SH2D4B: variants seen among roughly 807,000 people sequenced by gnomAD.
The protein encoded by SH2D4B is SH2 domain containing 4B, also known as SH2 domain-containing protein 4B.
A neutral mutation model predicts 61.5 loss-of-function variants in SH2D4B; 45 were observed. The observed-to-expected ratio is 0.73, with a 90% CI of 0.58 to 0.94. The LOEUF is 0.94. Ranked by LOEUF, SH2D4B falls within the 40% of genes least tolerant of loss-of-function variation. SH2D4B has a pLI of 0.00. For missense variants in SH2D4B, 572 were observed against 574.2 expected (o/e 1.00, Z 0.04); for synonymous variants, 224 against 220.4 (o/e 1.02, Z -0.14).
At chr10:80,605,850 T>G (rs1484139032) in intron 5 of SH2D4B, among the ~76,000 whole-genome samples, 4 of 152,302 alleles carry the variant, frequency 2.6e-5, no homozygotes, top group Admixed American at 6.5e-5. Context: ...GGGGGCATAG[T>G]TAGAAAAGCC....
At chr10:80,633,981 C>A (rs1842863900) in intron 6 of SH2D4B, among the ~76,000 whole-genome samples, 1 of 152,216 alleles carries the variant, frequency 6.6e-6, no homozygotes, top group Non-Finnish European at 1.5e-5. Context: ...ACTACTAATT[C>A]CTTGCTTACC....
At position 80,588,635 on chromosome 10, in the gene SH2D4B, A is replaced by ATGTCAT. The variant is rs773972338; in HGVS notation, c.501_502insTGTCAT (p.Lys167_Glu168insCysHis). 6.2e-7 allele frequency: 1 copy of ATGTCAT among 1,613,810 alleles called. No homozygotes were observed. The highest frequency in any genetic ancestry group is 8.5e-7 in the Non-Finnish European group (1 of 1,179,996). On this transcript the variant is annotated inframe_insertion, in exon 4 of 8. Transcript: ENST00000646907. ...CTGTTCCCATGACATTTTAGAGGAAAGAGGAAGAGGAGAGGAAGCGAGGAG... is the reference window on the plus strand; with the variant it reads ...CTGTTCCCATGACATTTTAGAGGAAATGTCATGAGGAAGAGGAGAGGAAGCGAGGAG...
In SH2D4B at chr10:80,620,855, AT is replaced by A. The variant is rs1335500854; in HGVS notation, c.988+11306del. ...TGCTAGTTATGGGATTGTAATTCTA[AT>A]TATTCAGTGATTTATTCAACACTCT... On this transcript the variant is annotated intron_variant, in intron 6 of 7. Transcript: ENST00000646907. Among the ~76,000 whole-genome samples, 3 of 152,334 alleles carry A rather than the reference AT, an allele frequency of 2.0e-5. No individual in the cohort carries two copies. The East Asian group carries it at 5.8e-4, about 29-fold the overall frequency.
chr10:80,631,292 A>G (rs1842830927), intron 6 of SH2D4B, among the ~76,000 whole-genome samples: 2 of 152,226 alleles, frequency 1.3e-5, no homozygotes, highest in Non-Finnish European at 2.9e-5. Context: ...TCTGTTTTCC[A>G]GGCTAGAGTA....
At chr10:80,643,457 C>T (rs901536330) in intron 7 of SH2D4B, among the ~76,000 whole-genome samples, 5 of 152,012 alleles carry the variant, frequency 3.3e-5, no homozygotes, top group Admixed American at 6.6e-5. Context: ...GGCTATGAAG[C>T]GATCTTCCAA....
At chr10:80,581,409 T>G (rs11186151) in intron 3 of SH2D4B, among the ~76,000 whole-genome samples, 57,259 of 152,010 alleles carry the variant, frequency 0.38, 12,811 homozygotes, top group African/African-American at 0.63. Context: ...AAATCCGTAT[T>G]TTGAAGTCCT....
At chr10:80,620,428 C>T (rs1038100222) in intron 6 of SH2D4B, among the ~76,000 whole-genome samples, 3 of 152,206 alleles carry the variant, frequency 2.0e-5, no homozygotes, top group African/African-American at 7.2e-5. Context: ...GCTTCCTGTA[C>T]AGCCTGTGGA....
At chr10:80,602,827 C>G (rs1401926431) in intron 4 of SH2D4B, among the ~76,000 whole-genome samples, 1 of 152,168 alleles carries the variant, frequency 6.6e-6, no homozygotes, top group Non-Finnish European at 1.5e-5. Context: ...TAGGAAAGAG[C>G]TCTGGTGTCA....
At chr10:80,553,004 C>T (rs1424072261) in intron 1 of SH2D4B, among the ~76,000 whole-genome samples, 1 of 152,164 alleles carries the variant, frequency 6.6e-6, no homozygotes, top group Admixed American at 6.5e-5. Context: ...CAACCTCTGC[C>T]TCCCGGATTC....
chr10:80,588,672 C>T lies in SH2D4B; in HGVS notation c.538C>T (p.Arg180Cys), dbSNP rs764797149. 5.0e-6 allele frequency: 8 copies of T among 1,613,886 alleles called. No homozygotes were observed. The highest frequency in any genetic ancestry group is 1.3e-5 in the African/African-American group (1 of 74,906). The change falls in exon 4 of 8, where the codon CGC becomes TGC. Residue 180 changes from arginine (R) to cysteine (C), a missense_variant. Transcript: ENST00000646907. ...EERKRGEEQI[R>C]LQEEQRAKEL... is the part of the protein sequence containing the mutation. ...GAGGAAGCGAGGAGAAGAGCAGATT[C>T]GCCTCCAGGAAGAGCAGAGGGCGAA...
At chr10:80,643,150 A>G (rs536218679) in intron 7 of SH2D4B, 26 of 151,114 alleles carry the variant, frequency 1.7e-4, no homozygotes, top group African/African-American at 5.8e-4. Flanking sequence ...ATTGCTTTTT[A>G]GTTATGAGCA....
At chr10:80,622,410 T>C (rs761515116) in intron 6 of SH2D4B, among the ~76,000 whole-genome samples, 16 of 152,224 alleles carry the variant, frequency 1.1e-4, no homozygotes, top group Non-Finnish European at 1.9e-4. Context: ...TTTTCCTGAA[T>C]TTTTGCAGTT....
At chr10:80,573,742 G>C (rs1842091252) in intron 3 of SH2D4B, among the ~76,000 whole-genome samples, 1 of 152,072 alleles carries the variant, frequency 6.6e-6, no homozygotes. Context: ...TTTAACATCT[G>C]TTAAGGTAAG....
chr10:80,613,122 G>C (rs530884411), intron 6 of SH2D4B, among the ~76,000 whole-genome samples: 5 of 152,358 alleles, frequency 3.3e-5, no homozygotes, highest in African/African-American at 1.2e-4. Context: ...AGAGTGCAGA[G>C]TGAGAGGGGA....
intron 6 of SH2D4B, among the ~76,000 whole-genome samples, chr10:80,620,976 G>T (rs1219354882): frequency 6.6e-6 from 1 of 152,164 alleles, no homozygotes; most frequent in Non-Finnish European, 1.5e-5. Context: ...TCTTATGTTT[G>T]CAAAATTTTG....
chr10:80,582,614 A>G lies in SH2D4B; in HGVS notation c.496-6016A>G, dbSNP rs188073696. On this transcript the variant is annotated intron_variant, in intron 3 of 7. Transcript: ENST00000646907. ...AGAGAGCACCCTGAAGGAAAGAAAC[A>G]GGGAGTCGGGCTCATGTAGAACCTA... 2.0e-5 allele frequency among the ~76,000 whole-genome samples: 3 copies of G among 152,324 alleles called. No homozygotes were observed. In the East Asian group the frequency reaches 5.8e-4, roughly 29 times the overall value.
At chr10:80,611,074 CT>C (rs1342899579) in intron 6 of SH2D4B, among the ~76,000 whole-genome samples, 1 of 145,000 alleles carries the variant, frequency 6.9e-6, no homozygotes, top group Admixed American at 7.2e-5. Context: ...ACTCAGGAGG[CT>C]GAGGCAGGAG....
chr10:80,622,002 T>A (rs1842720882), intron 6 of SH2D4B, among the ~76,000 whole-genome samples: 1 of 152,178 alleles, frequency 6.6e-6, no homozygotes, highest in Admixed American at 6.5e-5. Context: ...ATTACAGGTG[T>A]GAGCCACCAC....
In SH2D4B at chr10:80,593,194, C is replaced by T. The variant is rs1589349041; in HGVS notation, c.643+4417C>T. 5.3e-5 allele frequency among the ~76,000 whole-genome samples: 8 copies of T among 152,212 alleles called. No homozygotes were observed. In the South Asian group the frequency reaches 1.7e-3, roughly 32 times the overall value. On this transcript the variant is annotated intron_variant, in intron 4 of 7. Coordinates refer to ENST00000646907, the MANE Select transcript of SH2D4B (RefSeq NM_001388272.1). ...TGGTTATTCTGAGTCCTTTGTATTTCCATTTCCATTTTAGAATCAGCTTGT... is the reference window on the plus strand; with the variant it reads ...TGGTTATTCTGAGTCCTTTGTATTTTCATTTCCATTTTAGAATCAGCTTGT...
Sources: gnomAD v4.1 joint callset for allele counts (sites outside exome capture counted in the v4.1 genomes callset) on GRCh38, gnomAD v4.1.1 for gene constraint, MANE v1.5 for transcripts, NCBI Gene and HGNC (gene_info 2026-07-23, HGNC 2026-07-21) for gene names.